Variants in NDUFA9 observed in about 807,000 individuals in gnomAD.
NDUFA9 encodes the protein NADH dehydrogenase [ubiquinone] 1 alpha subcomplex subunit 9, mitochondrial.
NDUFA9 carries 23 observed loss-of-function variants against 45.9 expected under a neutral mutation model. That is an observed-to-expected ratio of 0.50 (90% CI 0.36 to 0.71). The LOEUF (loss-of-function observed/expected upper bound fraction) is 0.71. Ranked by LOEUF, NDUFA9 falls within the 30% of genes least tolerant of loss-of-function variation. The pLI is 0.00. For synonymous variants in NDUFA9, 176 were observed against 170.5 expected (o/e 1.03, Z -0.25); for missense variants, 466 against 488.2 (o/e 0.95, Z 0.43).
intron 7 of NDUFA9, 110 bp downstream of exon 7, chr12:4,668,634 A>C: frequency 1.0e-6 from 1 of 989,892 alleles, no homozygotes; most frequent in Non-Finnish European, 1.6e-6. Context: ...TTTCTTTGTC[A>C]ACTTGTGTCA....
chr12:4,677,451 A>G (rs1470074642), intron 8 of NDUFA9, among the ~76,000 whole-genome samples: 1 of 152,252 alleles, frequency 6.6e-6, no homozygotes, highest in Non-Finnish European at 1.5e-5. Context: ...AAACAGATTT[A>G]CAAGAAAAAA....
At chr12:4,686,359 T>G (rs575120808) in intron 10 of NDUFA9, among the ~76,000 whole-genome samples, 1 of 152,140 alleles carries the variant, frequency 6.6e-6, no homozygotes, top group Non-Finnish European at 1.5e-5. Context: ...TGGGTTTGGT[T>G]TTCTAGCTCT....
At chr12:4,681,579 C>T (rs1011068087) in intron 8 of NDUFA9, among the ~76,000 whole-genome samples, 1 of 147,278 alleles carries the variant, frequency 6.8e-6, no homozygotes, top group African/African-American at 2.5e-5. Flanking sequence ...TATATAATTA[C>T]ATATATATAA....
Position 4,662,610 on chromosome 12 carries a change from G to C in NDUFA9, c.630G>C (p.Glu210Asp), listed in dbSNP as rs185126760. Reference protein sequence around the residue: ...IVKPSDIFGREDRFLNSFASM... With the variant: ...IVKPSDIFGRDDRFLNSFASM... ...AGCCGTCGGACATCTTTGGAAGAGA[G>C]GATAGATTCCTTAATTCTTTTGCAA... is the stretch of plus-strand genomic sequence containing the variant. The change falls in exon 6 of 11, where the codon GAG (glutamate) becomes GAC (aspartate). Residue 210 changes from glutamate to aspartate, a missense_variant. By Grantham distance (45) the Glu-to-Asp change is conservative. Transcript: ENST00000266544. The C allele has an allele frequency of 3.7e-6, 6 of 1,613,690 alleles. No individual in the cohort carries two copies. The East Asian group carries it at 1.3e-4, about 36-fold the overall frequency.
intron 1 of NDUFA9, chr12:4,653,414 A>G: frequency 3.4e-6 from 1 of 290,514 alleles, no homozygotes; most frequent in South Asian, 3.1e-5. Flanking sequence ...ATGGGCAGCT[A>G]CAGGAAGTAG....
rs750334504 is a variant in NDUFA9, at chr12:4,669,283, CT to C, written c.724-457del. ...GGGGCCAAAATCACTATTACTATTA[CT>C]GTTTTTGAAAATCAAAATGGTAGAA... is the stretch of plus-strand genomic sequence containing the variant. On this transcript the variant is annotated intron_variant, in intron 7 of 10. Coordinates refer to ENST00000266544, the MANE Select transcript of NDUFA9 (RefSeq NM_005002.5). Among the ~76,000 whole-genome samples, 172 of 152,318 alleles carry C rather than the reference CT, an allele frequency of 1.1e-3. 1 individual carries two copies. Among genetic ancestry groups the C allele is most frequent in the Middle Eastern group, 3.4e-3 (1 of 294 alleles).
rs777815546 is a variant in NDUFA9 at position 4,662,609 on chromosome 12, A to G, written c.629A>G (p.Glu210Gly). 1 of 1,613,778 alleles carries G rather than the reference A, an allele frequency of 6.2e-7. No homozygotes were observed. The highest frequency in any genetic ancestry group is 1.1e-5 in the South Asian group (1 of 91,054). ...AAGCCGTCGGACATCTTTGGAAGAGAGGATAGATTCCTTAATTCTTTTGCA... is the reference window on the plus strand; with the variant it reads ...AAGCCGTCGGACATCTTTGGAAGAGGGGATAGATTCCTTAATTCTTTTGCA... ...IVKPSDIFGR[E>G]DRFLNSFASM... The change falls in exon 6 of 11, where the codon GAG becomes GGG. Residue 210 changes from glutamate (E) to glycine (G), a missense_variant. Coordinates refer to ENST00000266544, the MANE Select transcript of NDUFA9 (RefSeq NM_005002.5).
intron 10 of NDUFA9, among the ~76,000 whole-genome samples, chr12:4,686,075 A>C (rs1332827448): frequency 6.6e-6 from 1 of 152,238 alleles, no homozygotes; most frequent in African/African-American, 2.4e-5. Context: ...ATCAGGCAGG[A>C]TCGCTGGTTG....
intron 2 of NDUFA9, 112 bp downstream of exon 2, chr12:4,654,574 T>A (rs1409576702): frequency 2.7e-5 from 34 of 1,247,188 alleles, no homozygotes; most frequent in Non-Finnish European, 3.8e-5. Flanking sequence ...ATTACTCCTG[T>A]CTTGGATGTA....
rs1357771281 is a variant in NDUFA9, at chr12:4,692,675, G to A, written c.*5567G>A. The A allele has an allele frequency of 1.3e-5, 2 of 152,240 alleles. No individual in the cohort carries two copies. The highest frequency in any genetic ancestry group is 4.8e-5 in the African/African-American group (2 of 41,448). The allele number at this position is 152,240 out of a possible 1,614,324, so 9.4% of individuals were successfully genotyped here. On this transcript the variant is annotated 3_prime_UTR_variant, in exon 11 of 11. Transcript: ENST00000266544. ...GATGATGATGTTGTTGGCAGAGAGG[G>A]AGGGTATAACTTGTGGTGCCTAGCC... is the stretch of plus-strand genomic sequence containing the variant.
chr12:4,682,308 G>A lies in NDUFA9; in HGVS notation c.896+8G>A, dbSNP rs375673307. 4.8e-5 allele frequency: 76 copies of A among 1,595,148 alleles called. No homozygotes were observed. The highest frequency in any genetic ancestry group is 6.4e-5 in the Non-Finnish European group (74 of 1,163,476). On this transcript the variant is annotated splice_region_variant and intron_variant, in intron 9 of 10. Coordinates refer to ENST00000266544, the MANE Select transcript of NDUFA9 (RefSeq NM_005002.5). ...GCCGCTTTTTGCCTATCGGTAAGTA[G>A]AGTGCTCCTTTTGTGTGACTTCTGA...
chr12:4,684,972 T>A (rs1020031168), intron 9 of NDUFA9: 2 of 595,736 alleles, frequency 3.4e-6, no homozygotes, highest in Admixed American at 5.9e-5. Flanking sequence ...TTTTTCTGTT[T>A]GCTTTGTTGT....
intron 3 of NDUFA9, 30 bp from the exon 4 acceptor site, chr12:4,657,718 T>C: frequency 6.5e-7 from 1 of 1,549,468 alleles, no homozygotes; most frequent in Non-Finnish European, 8.9e-7. Flanking sequence ...TACCCCTATG[T>C]TTTCATCCGA....
chr12:4,680,186 C>A (rs1181161734), intron 8 of NDUFA9, among the ~76,000 whole-genome samples: 1 of 151,932 alleles, frequency 6.6e-6, no homozygotes, highest in Non-Finnish European at 1.5e-5. Context: ...AGAGCATTTC[C>A]TAGGAGAACA....
At chr12:4,659,636 A>T (rs1056404263) in intron 5 of NDUFA9, among the ~76,000 whole-genome samples, 1 of 152,184 alleles carries the variant, frequency 6.6e-6, no homozygotes, top group African/African-American at 2.4e-5. Context: ...GCCTATTCAC[A>T]CAGTGCTTAT....
chr12:4,685,922 G>A (rs190973466), intron 10 of NDUFA9, among the ~76,000 whole-genome samples: 6 of 152,254 alleles, frequency 3.9e-5, no homozygotes, highest in Admixed American at 3.3e-4. Flanking sequence ...AAGACCTATG[G>A]ACCATATATT....
rs573692625 is a variant in NDUFA9, at chr12:4,689,189, C to T, written c.*2081C>T. 6.6e-6 allele frequency: 1 copy of T among 152,384 alleles called. No homozygotes were observed. The highest frequency in any genetic ancestry group is 1.9e-4 in the East Asian group (1 of 5,190). The allele number at this position is 152,384 out of a possible 1,614,324, so 9.4% of individuals were successfully genotyped here. A position where few individuals can be genotyped will look rare whatever the true frequency, so the allele number is the denominator to read the frequency against. ...GTTACCCTACTGATCTATTGAACAC[C>T]AGGTCTTACTTCTTCTGTCTTAACT... On this transcript the variant is annotated 3_prime_UTR_variant, in exon 11 of 11. Transcript: ENST00000266544.
chr12:4,687,060 G>A lies in NDUFA9; in HGVS notation c.1086G>A (p.Leu362=). The A allele has an allele frequency of 6.2e-7, 1 of 1,614,208 alleles. No homozygotes were observed. Among genetic ancestry groups the A allele is most frequent in the East Asian group, 2.2e-5 (1 of 44,880 alleles). Residue 362 remains leucine, a synonymous_variant, in exon 11 of 11, where the codon CTG becomes CTA. Transcript: ENST00000266544. ...GGCGTCATCGCACTTACCGCTGGCT[G>A]TCTGCTGAAATTGAGGATGTGAAGC... ...VLRRHRTYRW[L]SAEIEDVKPA...
intron 9 of NDUFA9, 92 bp from the exon 10 acceptor site, chr12:4,685,166 CA>C: frequency 9.2e-7 from 1 of 1,081,324 alleles, no homozygotes; most frequent in South Asian, 1.3e-5. Context: ...GACTGCTCTA[CA>C]GCGGTCTGTC....
Sources: gnomAD v4.1 joint callset for allele counts (sites outside exome capture counted in the v4.1 genomes callset) on GRCh38, gnomAD v4.1.1 for gene constraint, MANE v1.5 for transcripts, NCBI Gene and HGNC (gene_info 2026-07-23, HGNC 2026-07-21) for gene names.